Variants in WNK1 observed in about 807,000 individuals in gnomAD.
The protein encoded by WNK1 is serine/threonine-protein kinase WNK1.
WNK1 carries 38 observed loss-of-function variants against 222.8 expected under a neutral mutation model. That is an observed-to-expected ratio of 0.17 (90% CI 0.13 to 0.22). WNK1 has a LOEUF of 0.22. Among genes scored for constraint, WNK1 ranks in the 10% least tolerant of loss-of-function variants. WNK1 has a pLI of 1.00. For missense variants in WNK1, 2,348 were observed against 2,918.4 expected (o/e 0.80, Z 4.50); for synonymous variants, 1,090 against 1,092.9 (o/e 1.00, Z 0.05).
chr12:864,660 G>A (rs1463129644), intron 8 of WNK1, among the ~76,000 whole-genome samples: 3 of 152,068 alleles, frequency 2.0e-5, no homozygotes, highest in African/African-American at 7.2e-5. Context: ...CAGAGCTCTT[G>A]CAAAATAATC....
intron 1 of WNK1, among the ~76,000 whole-genome samples, chr12:777,176 T>C (rs1943209032): frequency 6.6e-6 from 1 of 150,750 alleles, no homozygotes; most frequent in Non-Finnish European, 1.5e-5. Context: ...TTTTGTTTTT[T>C]TTTTTGAGAT....
rs765258916 is a variant in WNK1, at chr12:868,347, T to C, written c.2140-2918T>C. ...GAGGGCATTCCATACAACTCATCAG[T>C]ACTGTCAAGTCCTATGAAACAGATA... On this transcript the variant is annotated intron_variant, in intron 8 of 27. Transcript: ENST00000315939. 3.0e-5 allele frequency: 49 copies of C among 1,613,882 alleles called. No homozygotes were observed. The East Asian group carries it at 1.1e-3, about 35-fold the overall frequency.
chr12:801,186 A>G (rs983160074), intron 1 of WNK1, among the ~76,000 whole-genome samples: 14 of 152,260 alleles, frequency 9.2e-5, no homozygotes, highest in African/African-American at 3.4e-4. Flanking sequence ...GGTAACAGTA[A>G]AGTAAGCTGT....
In WNK1 at chr12:812,946, G is replaced by GA. The variant is rs555976928; in HGVS notation, c.760-686dup. ...TGAGTATTTAAGTTATTGCTTAAAA[G>GA]AAAAAAAAAATTAGGCTTCATGCAG... On this transcript the variant is annotated intron_variant, in intron 1 of 27. Coordinates refer to ENST00000315939, the MANE Select transcript of WNK1 (RefSeq NM_018979.4). 4.2e-3 allele frequency among the ~76,000 whole-genome samples: 624 copies of GA among 149,924 alleles called. 4 individuals are homozygous for GA. Among genetic ancestry groups the GA allele is most frequent in the South Asian group, 0.032 (152 of 4,726 alleles).
At chr12:758,429 G>A (rs1230129352) in intron 1 of WNK1, among the ~76,000 whole-genome samples, 1 of 105,724 alleles carries the variant, frequency 9.5e-6, no homozygotes, top group Admixed American at 1.4e-4. Flanking sequence ...CGCCCAGGCC[G>A]GACTGCGGAC....
At chr12:883,167 G>T in intron 15 of WNK1, 108 bp downstream of exon 15, 1 of 1,017,206 alleles carries the variant, frequency 9.8e-7, no homozygotes, top group Non-Finnish European at 1.6e-6. Flanking sequence ...TTAAAGTTAT[G>T]CATTTACTTC....
rs1344111257 is a variant in WNK1, at chr12:910,198, CAG to C, written c.*1408_*1409del. Reference sequence around the variant, plus strand: ...AGTCACAGATGGAGAAAATTGCTCTCAGAAAAACTGTTTGGATTGCTTTCCTC... The same window carrying C: ...AGTCACAGATGGAGAAAATTGCTCTCAAAAACTGTTTGGATTGCTTTCCTC... On this transcript the variant is annotated 3_prime_UTR_variant, in exon 28 of 28. Coordinates refer to ENST00000315939, the MANE Select transcript of WNK1 (RefSeq NM_018979.4). 3 of 152,186 alleles carry C rather than the reference CAG, an allele frequency of 2.0e-5. No homozygotes were observed. The highest frequency in any genetic ancestry group is 7.2e-5 in the African/African-American group (3 of 41,432). 9.4% of individuals were successfully genotyped at this position (152,186 alleles called of 1,614,324 possible).
rs869122990 is a variant in WNK1, at chr12:807,711, CTTTTT to C, written c.760-5909_760-5905del. Among the ~76,000 whole-genome samples, 12 of 78,798 alleles carry C rather than the reference CTTTTT, an allele frequency of 1.5e-4. No homozygotes were observed. The South Asian group carries it at 6.2e-3, about 41-fold the overall frequency. 51.7% of individuals were successfully genotyped at this position (78,798 alleles called of 152,430 possible). On this transcript the variant is annotated intron_variant, in intron 1 of 27. Transcript: ENST00000315939. Reference sequence around the variant, plus strand: ...TTCCTTCCAGTAGGGAGCAATAATTCTTTTTTTTTTTTTTTTTTTTTTTTTTGAGA... The same window carrying C: ...TTCCTTCCAGTAGGGAGCAATAATTCTTTTTTTTTTTTTTTTTTTTTGAGA...
chr12:883,865 G>T, intron 17 of WNK1, 34 bp downstream of exon 17: 1 of 1,609,800 alleles, frequency 6.2e-7, no homozygotes, highest in South Asian at 1.1e-5. Context: ...TTTTACCTTT[G>T]ACTTAAGAAG....
At chr12:901,238 T>TA (rs1026963908) in intron 26 of WNK1, among the ~76,000 whole-genome samples, 21 of 152,228 alleles carry the variant, frequency 1.4e-4, no homozygotes, top group Admixed American at 1.3e-3. Flanking sequence ...ATGAAAAAAA[T>TA]ATAGGTACTG....
rs1450813916 is a variant in WNK1, at chr12:911,240, A to AAATG, written c.*2449_*2452dup. The AAATG allele has an allele frequency of 5.0e-6, 2 of 398,494 alleles. No homozygotes were observed. The highest frequency in any genetic ancestry group is 8.8e-6 in the Non-Finnish European group (2 of 226,058). 24.7% of individuals were successfully genotyped at this position (398,494 alleles called of 1,614,324 possible). A position where few individuals can be genotyped will look rare whatever the true frequency, so the allele number is the denominator to read the frequency against. On this transcript the variant is annotated 3_prime_UTR_variant, in exon 28 of 28. Transcript: ENST00000315939. ...CCACATTAAAAACTTTCTGAATTAT[A>AAATG]AATGTTTTCCTTACATTATTTAACA...
Position 908,857 on chromosome 12 carries a change from G to GGGGT in WNK1, c.*65_*66insGGGT. ...TGGAATGCTGAGGGGGTGGGTGGGG[G>GGGGT]TGGGAAGTAGCCTATATACTAACTA... On this transcript the variant is annotated 3_prime_UTR_variant, in exon 28 of 28. Coordinates refer to ENST00000315939, the MANE Select transcript of WNK1 (RefSeq NM_018979.4). The GGGGT allele has an allele frequency of 8.4e-7, 1 of 1,185,790 alleles. No individual in the cohort carries two copies. Among genetic ancestry groups the GGGGT allele is most frequent in the South Asian group, 1.3e-5 (1 of 79,154 alleles). The allele number at this position is 1,185,790 out of a possible 1,614,324, so 73.5% of individuals were successfully genotyped here. A position where few individuals can be genotyped will look rare whatever the true frequency, so the allele number is the denominator to read the frequency against.
In WNK1 at chr12:791,225, CCACACA is replaced by C. The variant is rs141810227; in HGVS notation, c.760-22390_760-22385del. On this transcript the variant is annotated intron_variant, in intron 1 of 27. Coordinates refer to ENST00000315939, the MANE Select transcript of WNK1 (RefSeq NM_018979.4). ...TAACAGAATTTTACTATTTCTCTCA[CCACACA>C]CACACACACACACACACACACACAC... 3.7e-3 allele frequency among the ~76,000 whole-genome samples: 533 copies of C among 145,264 alleles called. 1 individual carries two copies. Among genetic ancestry groups the C allele is most frequent in the East Asian group, 0.017 (86 of 4,956 alleles).
At chr12:793,772 TTG>T (rs1331383783) in intron 1 of WNK1, among the ~76,000 whole-genome samples, 3 of 152,222 alleles carry the variant, frequency 2.0e-5, no homozygotes, top group African/African-American at 7.2e-5. Flanking sequence ...AACAGCTTTA[TTG>T]AGATAATTCA....
intron 1 of WNK1, among the ~76,000 whole-genome samples, chr12:810,348 A>G (rs1382141031): frequency 6.6e-6 from 1 of 152,224 alleles, no homozygotes; most frequent in African/African-American, 2.4e-5. Context: ...AAATATTTTA[A>G]TCAAGAATTC....
At chr12:908,106 C>G in intron 27 of WNK1, 72 bp downstream of exon 27, 1 of 1,547,458 alleles carries the variant, frequency 6.5e-7, no homozygotes, top group Non-Finnish European at 8.9e-7. Flanking sequence ...AACTAAGCTG[C>G]TGCTTAACGT....
At chr12:835,518 A>T (rs1373828925) in intron 4 of WNK1, among the ~76,000 whole-genome samples, 1 of 152,204 alleles carries the variant, frequency 6.6e-6, no homozygotes, top group African/African-American at 2.4e-5. Context: ...AATAAGTTTC[A>T]TCTGTGTATT....
In WNK1 at chr12:896,741, A is replaced by C; in HGVS notation, c.6245+9A>C. ...CGACGACTACGAGATAAGTAAGTATATTTTCTCTTGTGAAAGAATGTCAGA... is the reference window on the plus strand; with the variant it reads ...CGACGACTACGAGATAAGTAAGTATCTTTTCTCTTGTGAAAGAATGTCAGA... On this transcript the variant is annotated intron_variant, in intron 24 of 27. Transcript: ENST00000315939. The C allele has an allele frequency of 6.2e-7, 1 of 1,608,778 alleles. No individual in the cohort carries two copies. Among genetic ancestry groups the C allele is most frequent in the Non-Finnish European group, 8.5e-7 (1 of 1,179,364 alleles).
intron 26 of WNK1, chr12:901,644 T>G: frequency 7.8e-7 from 1 of 1,288,614 alleles, no homozygotes; most frequent in Non-Finnish European, 1.0e-6. Context: ...TACGCCCTGC[T>G]TGGCTCTTTG....
Sources: gnomAD v4.1 joint callset for allele counts (sites outside exome capture counted in the v4.1 genomes callset) on GRCh38, gnomAD v4.1.1 for gene constraint, MANE v1.5 for transcripts, NCBI Gene and HGNC (gene_info 2026-07-23, HGNC 2026-07-21) for gene names.